CCDC85A: variants seen among roughly 807,000 people sequenced by gnomAD.
The protein encoded by CCDC85A is coiled-coil domain containing 85A.
CCDC85A carries 38 observed loss-of-function variants against 50.2 expected under a neutral mutation model. The ratio of observed to expected loss-of-function variants is 0.76; its 90% CI spans 0.58 to 0.99. CCDC85A has a LOEUF of 0.99. CCDC85A is among the 50% of genes least tolerant of loss of function. The pLI, the probability that CCDC85A is intolerant of heterozygous loss-of-function variation, is 0.00. For synonymous variants in CCDC85A, 366 were observed against 301.4 expected (o/e 1.21, Z -2.22); for missense variants, 820 against 742.0 (o/e 1.11, Z -1.22).
rs548555160 is a variant in CCDC85A, at chr2:56,278,824, C to T, written c.1241-64055C>T. Among the ~76,000 whole-genome samples the T allele has an allele frequency of 2.1e-3, 323 of 152,316 alleles. 1 individual carries two copies. Among genetic ancestry groups the T allele is most frequent in the African/African-American group, 5.2e-3 (215 of 41,576 alleles). ...CTGACTTCAAGTGAACAGCCCACCT[C>T]GGCCTTCCAAAGTGCTGGGATTACA... On this transcript the variant is annotated intron_variant, in intron 2 of 5. Coordinates refer to ENST00000407595, the MANE Select transcript of CCDC85A (RefSeq NM_001080433.2).
At chr2:56,257,101 T>C (rs898996671) in intron 2 of CCDC85A, among the ~76,000 whole-genome samples, 18 of 152,322 alleles carry the variant, frequency 1.2e-4, no homozygotes, top group Admixed American at 3.9e-4. Flanking sequence ...TTTGCTTTTA[T>C]TCAGTTTGTA....
chr2:56,374,030 T>C (rs370062405), intron 4 of CCDC85A, among the ~76,000 whole-genome samples: 1 of 152,360 alleles, frequency 6.6e-6, no homozygotes, highest in East Asian at 1.9e-4. Flanking sequence ...TTAGGCATTA[T>C]TGTTTCTGAT....
At chr2:56,324,236 T>C (rs1385657571) in intron 2 of CCDC85A, among the ~76,000 whole-genome samples, 1 of 152,152 alleles carries the variant, frequency 6.6e-6, no homozygotes, top group Non-Finnish European at 1.5e-5. Flanking sequence ...GACAGAAAGC[T>C]GAGCTGCCAA....
chr2:56,247,797 A>T (rs370452879), intron 2 of CCDC85A, among the ~76,000 whole-genome samples: 22 of 152,354 alleles, frequency 1.4e-4, no homozygotes, highest in African/African-American at 5.3e-4. Context: ...GCCTTGTTTA[A>T]TTCTCTCCTT....
chr2:56,380,906 C>T (rs917779879), intron 5 of CCDC85A, among the ~76,000 whole-genome samples: 13 of 152,086 alleles, frequency 8.5e-5, no homozygotes, highest in Non-Finnish European at 1.3e-4. Context: ...TATGCTTTAT[C>T]CTCATATTCT....
chr2:56,292,632 CAATA>C (rs1573191402), intron 2 of CCDC85A, among the ~76,000 whole-genome samples: 1 of 152,068 alleles, frequency 6.6e-6, no homozygotes, highest in African/African-American at 2.4e-5. Context: ...CTCACCTAGG[CAATA>C]AATAAATACA....
At chr2:56,201,327 G>A (rs1676739571) in intron 2 of CCDC85A, among the ~76,000 whole-genome samples, 1 of 152,134 alleles carries the variant, frequency 6.6e-6, no homozygotes, top group African/African-American at 2.4e-5. Context: ...GTATGGTTGA[G>A]GGATAGAACG....
At chr2:56,278,185 T>C (rs13420635) in intron 2 of CCDC85A, among the ~76,000 whole-genome samples, 15,375 of 152,156 alleles carry the variant, frequency 0.1, 2,524 homozygotes, top group African/African-American at 0.35. Flanking sequence ...GTCTGGATCC[T>C]CTATATTGGT....
chr2:56,270,645 C>T (rs1042962948), intron 2 of CCDC85A, among the ~76,000 whole-genome samples: 2 of 152,086 alleles, frequency 1.3e-5, no homozygotes, highest in Non-Finnish European at 2.9e-5. Context: ...AATGAACTCT[C>T]GTTTTAGTTT....
Position 56,184,491 on chromosome 2 carries a change from C to T in CCDC85A, c.-134C>T, listed in dbSNP as rs1353615984. On this transcript the variant is annotated 5_prime_UTR_variant, in exon 1 of 6. Coordinates refer to ENST00000407595, the MANE Select transcript of CCDC85A (RefSeq NM_001080433.2). ...CAGCGCGACCCCCGCCGCCCCAACC[C>T]AGCGGCCCCTGGGCGGTGCCGCTGA... The T allele has an allele frequency of 2.9e-5, 30 of 1,028,104 alleles. No homozygotes were observed. Among genetic ancestry groups the T allele is most frequent in the Non-Finnish European group, 3.7e-5 (30 of 805,742 alleles). The allele number at this position is 1,028,104 out of a possible 1,614,324, so 63.7% of individuals were successfully genotyped here. A position where few individuals can be genotyped will look rare whatever the true frequency, so the allele number is the denominator to read the frequency against.
chr2:56,272,817 C>G (rs1670755109), intron 2 of CCDC85A, among the ~76,000 whole-genome samples: 2 of 152,168 alleles, frequency 1.3e-5, no homozygotes, highest in African/African-American at 4.8e-5. Context: ...CTTGCTCAGC[C>G]TATTCCAACC....
chr2:56,220,722 C>G (rs1478589336), intron 2 of CCDC85A, among the ~76,000 whole-genome samples: 4 of 152,026 alleles, frequency 2.6e-5, no homozygotes, highest in Admixed American at 2.0e-4. Context: ...CAGGACAAAG[C>G]CACAAATGCA....
intron 2 of CCDC85A, among the ~76,000 whole-genome samples, chr2:56,333,324 G>C (rs1673907570): frequency 6.6e-6 from 1 of 152,142 alleles, no homozygotes; most frequent in Non-Finnish European, 1.5e-5. Flanking sequence ...ACTGGGGACA[G>C]AGCATTCCAG....
intron 3 of CCDC85A, among the ~76,000 whole-genome samples, chr2:56,360,296 C>G (rs2104366550): frequency 6.6e-6 from 1 of 152,288 alleles, no homozygotes; most frequent in Admixed American, 6.5e-5. Flanking sequence ...CTCTTCACAG[C>G]TACCACGTGA....
intron 2 of CCDC85A, among the ~76,000 whole-genome samples, chr2:56,237,699 C>T (rs1480183469): frequency 2.6e-5 from 4 of 151,694 alleles, no homozygotes; most frequent in Non-Finnish European, 2.9e-5. Flanking sequence ...CATCTTTTTG[C>T]TGGAGCTCTT....
intron 2 of CCDC85A, among the ~76,000 whole-genome samples, chr2:56,232,107 C>T (rs1472251852): frequency 2.0e-5 from 3 of 152,166 alleles, no homozygotes; most frequent in Middle Eastern, 3.4e-3. Context: ...TTCTTCTGGT[C>T]CCATGGCTTT....
In CCDC85A at chr2:56,184,698, C is replaced by T. The variant is rs1047552361; in HGVS notation, c.74C>T (p.Ser25Leu). The T allele has an allele frequency of 1.3e-6, 2 of 1,524,754 alleles. No individual in the cohort carries two copies. The highest frequency in any genetic ancestry group is 1.4e-5 in the African/African-American group (1 of 69,342). The allele number at this position is 1,524,754 out of a possible 1,614,324, so 94.5% of individuals were successfully genotyped here. The change falls in exon 1 of 6, where the codon TCG becomes TTG. Residue 25 changes from serine (S) to leucine (L), a missense_variant. Transcript: ENST00000407595. ...AGTTGTTCCCCAGCCCCGGCCGGCT[C>T]GTCCGCGGCCCCGCCCGCGCCGGTG... ...AESCSPAPAG[S>L]SAAPPAPVED...
In CCDC85A at chr2:56,192,423, C is replaced by T; in HGVS notation, c.277-54C>T. 1.9e-6 allele frequency: 3 copies of T among 1,538,940 alleles called. 1 individual carries two copies. Among genetic ancestry groups the T allele is most frequent in the Middle Eastern group, 3.6e-4 (2 of 5,628 alleles). ...CTCTCCCTTTCCAGGAAGTCTGAGC[C>T]TGCTGACACCTCAGATGTGTACTTC... On this transcript the variant is annotated intron_variant, in intron 1 of 5. Coordinates refer to ENST00000407595, the MANE Select transcript of CCDC85A (RefSeq NM_001080433.2). The surrounding 1 kb of genome is among the most constrained non-coding windows in gnomAD (Gnocchi z 4.7).
chr2:56,254,113 T>C (rs751365359), intron 2 of CCDC85A, among the ~76,000 whole-genome samples: 1 of 152,212 alleles, frequency 6.6e-6, no homozygotes, highest in Non-Finnish European at 1.5e-5. Context: ...TGTGTTTCAA[T>C]GCATGGTTTA....
Sources: gnomAD v4.1 joint callset for allele counts (sites outside exome capture counted in the v4.1 genomes callset) on GRCh38, gnomAD v4.1.1 for gene constraint, Gnocchi (gnomAD v3.1) non-coding constraint, MANE v1.5 for transcripts, NCBI Gene and HGNC (gene_info 2026-07-23, HGNC 2026-07-21) for gene names.